KCNK13: variants seen among roughly 807,000 people sequenced by gnomAD.
KCNK13 encodes the protein potassium two pore domain channel subfamily K member 13, also known as potassium channel subfamily K member 13.
A neutral mutation model predicts 23.4 loss-of-function variants in KCNK13; 12 were observed. The observed-to-expected ratio is 0.51, with a 90% CI of 0.33 to 0.83. The LOEUF is 0.83. Among genes scored for constraint, KCNK13 ranks in the 40% least tolerant of loss-of-function variants. KCNK13 has a pLI of 0.02. For missense variants in KCNK13, 463 were observed against 556.3 expected (o/e 0.83, Z 1.69); for synonymous variants, 231 against 229.5 (o/e 1.01, Z -0.06).
At position 90,062,324 on chromosome 14, in the gene KCNK13, C is replaced by A; in HGVS notation, c.119C>A (p.Ala40Glu). The A allele has an allele frequency of 6.4e-7, 1 of 1,555,152 alleles. No individual in the cohort carries two copies. The highest frequency in any genetic ancestry group is 8.6e-7 in the Non-Finnish European group (1 of 1,156,286). The change falls in exon 1 of 2, where the codon GCG (alanine) becomes GAG (glutamate). Residue 40 changes from alanine to glutamate, a missense_variant. By Grantham distance (107) the Ala-to-Glu change is moderately radical. Around this residue, in one of 3 missense-constraint regions of KCNK13, gnomAD observed 153 missense variants for 153.6 expected, o/e 1.00. Coordinates refer to ENST00000282146, the MANE Select transcript of KCNK13 (RefSeq NM_022054.4). This position sits in a 1 kb window ranked among gnomAD's most constrained non-coding sequence, Gnocchi z 4.5. ...CTGGGCGGCGCCGCCGTCTTCTCCG[C>A]GCTGGAGCTGGCGCACGAGCGCCAG... is the stretch of plus-strand genomic sequence containing the variant. ...YLLGGAAVFSALELAHERQAK... is the reference protein window; with the variant it reads ...YLLGGAAVFSELELAHERQAK...
chr14:90,183,965 A>G (rs927605836), intron 1 of KCNK13, 146 bp from the exon 2 acceptor site: 1 of 716,118 alleles, frequency 1.4e-6, no homozygotes, highest in African/African-American at 1.8e-5. Context: ...GCAGGTGAGA[A>G]TTCTCCTGCT....
intron 1 of KCNK13, among the ~76,000 whole-genome samples, chr14:90,130,356 C>T (rs1486898398): frequency 1.3e-5 from 2 of 151,776 alleles, no homozygotes; most frequent in African/African-American, 2.4e-5. Flanking sequence ...CGCACCACCA[C>T]GCCCGGCTAA....
chr14:90,159,299 T>C (rs932566100), intron 1 of KCNK13, among the ~76,000 whole-genome samples: 1 of 152,078 alleles, frequency 6.6e-6, no homozygotes, highest in African/African-American at 2.4e-5. Context: ...TTTCCAGAGG[T>C]CTATGCAAAC....
At position 90,184,547 on chromosome 14, in the gene KCNK13, T is replaced by C; in HGVS notation, c.771T>C (p.Tyr257=). ...QNAHYESQGL[Y]RFANFVFILM... is the part of the protein sequence containing the mutation. Reference sequence around the variant, plus strand: ...CCCACTATGAGAGCCAAGGCCTCTATCGCTTTGCCAACTTCGTCTTCATCC... The same window carrying C: ...CCCACTATGAGAGCCAAGGCCTCTACCGCTTTGCCAACTTCGTCTTCATCC... Residue 257 remains tyrosine, a synonymous_variant, in exon 2 of 2, where the codon TAT becomes TAC. Transcript: ENST00000282146. This position sits in a 1 kb window ranked among gnomAD's most constrained non-coding sequence, Gnocchi z 5.6. 1 of 1,614,270 alleles carries C rather than the reference T, an allele frequency of 6.2e-7. No homozygotes were observed. The highest frequency in any genetic ancestry group is 8.5e-7 in the Non-Finnish European group (1 of 1,180,048).
chr14:90,101,806 A>AAAAAAAAAAAAAAC (rs1566951708), intron 1 of KCNK13, among the ~76,000 whole-genome samples: 2 of 144,490 alleles, frequency 1.4e-5, no homozygotes, highest in African/African-American at 5.1e-5. Context: ...AAAAAAAAAA[A>AAAAAAAAAAAAAAC]AAAAAACCTC....
chr14:90,114,258 C>T (rs56244913), intron 1 of KCNK13, among the ~76,000 whole-genome samples: 18,095 of 152,128 alleles, frequency 0.12, 1,278 homozygotes, highest in East Asian at 0.23. Flanking sequence ...TATCTATACT[C>T]AGGCTCCAGA....
intron 1 of KCNK13, among the ~76,000 whole-genome samples, chr14:90,170,462 T>C (rs979520268): frequency 6.6e-6 from 1 of 152,124 alleles, no homozygotes; most frequent in African/African-American, 2.4e-5. Context: ...GATCCACCCG[T>C]CTCAGCCTCC....
intron 1 of KCNK13, among the ~76,000 whole-genome samples, chr14:90,178,231 C>CAAAAAAAAAAAAAAA (rs34726346): frequency 1.3e-5 from 1 of 75,072 alleles, no homozygotes; most frequent in Non-Finnish European, 2.5e-5. Flanking sequence ...TTCCTAAAAG[C>CAAAAAAAAAAAAAAA]AAAAAAAAAA....
chr14:90,123,601 C>T (rs1257040473), intron 1 of KCNK13, among the ~76,000 whole-genome samples: 1 of 152,132 alleles, frequency 6.6e-6, no homozygotes, highest in Non-Finnish European at 1.5e-5. Context: ...GAAAAGTTGC[C>T]AGTCCTCGTT....
At chr14:90,141,024 C>T (rs1446282617) in intron 1 of KCNK13, among the ~76,000 whole-genome samples, 1 of 152,138 alleles carries the variant, frequency 6.6e-6, no homozygotes, top group Non-Finnish European at 1.5e-5. Context: ...GGCGTCACTC[C>T]GCCACCTGCC....
chr14:90,153,433 C>T (rs1273830801), intron 1 of KCNK13, among the ~76,000 whole-genome samples: 1 of 152,130 alleles, frequency 6.6e-6, no homozygotes, highest in Non-Finnish European at 1.5e-5. Context: ...TAAAATGATC[C>T]ATGTAAAAGT....
chr14:90,171,548 C>T (rs1171775529), intron 1 of KCNK13, among the ~76,000 whole-genome samples: 1 of 152,172 alleles, frequency 6.6e-6, no homozygotes, highest in Non-Finnish European at 1.5e-5. Flanking sequence ...GTCCTGACGG[C>T]ATGTGCCTAA....
chr14:90,141,017 G>A (rs1276329855), intron 1 of KCNK13, among the ~76,000 whole-genome samples: 7 of 152,288 alleles, frequency 4.6e-5, no homozygotes, highest in South Asian at 2.1e-4. Flanking sequence ...AAGGAAGGGC[G>A]TCACTCCGCC....
At chr14:90,137,750 T>C (rs905064620) in intron 1 of KCNK13, among the ~76,000 whole-genome samples, 41 of 152,256 alleles carry the variant, frequency 2.7e-4, no homozygotes, top group African/African-American at 8.9e-4. Context: ...CCCAGCTGTG[T>C]GTTCATCACA....
chr14:90,148,150 G>A (rs1164619241), intron 1 of KCNK13, among the ~76,000 whole-genome samples: 1 of 152,170 alleles, frequency 6.6e-6, no homozygotes, highest in African/African-American at 2.4e-5. Context: ...GTGACAGAGT[G>A]TGACTCCATC....
chr14:90,141,798 G>GGGA (rs1555352012), intron 1 of KCNK13, among the ~76,000 whole-genome samples: 1 of 144,374 alleles, frequency 6.9e-6, no homozygotes, highest in Non-Finnish European at 1.5e-5. Flanking sequence ...GTTTTTTGGG[G>GGGA]GGGGGGACGG....
intron 1 of KCNK13, among the ~76,000 whole-genome samples, chr14:90,138,890 T>C (rs1342487204): frequency 1.3e-5 from 2 of 152,156 alleles, no homozygotes; most frequent in African/African-American, 4.8e-5. Context: ...TTCTGTTATA[T>C]GGCCCAGAAG....
chr14:90,081,318 C>A (rs574140642), intron 1 of KCNK13, among the ~76,000 whole-genome samples: 1 of 152,282 alleles, frequency 6.6e-6, no homozygotes, highest in Non-Finnish European at 1.5e-5. Context: ...AATATGTATG[C>A]ATTTGGATGC....
At chr14:90,142,030 G>A (rs896545810) in intron 1 of KCNK13, among the ~76,000 whole-genome samples, 6 of 150,600 alleles carry the variant, frequency 4.0e-5, no homozygotes, top group Non-Finnish European at 5.9e-5. Context: ...CTCATGATCC[G>A]TCCGCCTCAG....
Sources: allele counts gnomAD v4.1 joint callset (sites outside exome capture counted in the v4.1 genomes callset), GRCh38; gene constraint gnomAD v4.1.1; regional missense constraint gnomAD v4.1.1; non-coding constraint Gnocchi (gnomAD v3.1); transcripts MANE v1.5; gene names NCBI Gene and HGNC (gene_info 2026-07-23, HGNC 2026-07-21).